The following SPAG16 variants were observed in gnomAD, a reference collection of about 807,000 sequenced individuals.
SPAG16 encodes the protein sperm-associated antigen 16 protein.
SPAG16 carries 86 observed loss-of-function variants against 80.4 expected under a neutral mutation model. The observed-to-expected ratio is 1.07, with a 90% CI of 0.90 to 1.28. The LOEUF is 1.28. Ranked by LOEUF, SPAG16 falls within the 50% of genes most tolerant of loss-of-function variation. The pLI, the probability that SPAG16 is intolerant of heterozygous loss-of-function variation, is 0.00. For missense variants in SPAG16, 870 were observed against 765.3 expected (o/e 1.14, Z -1.61); for synonymous variants, 294 against 265.9 (o/e 1.11, Z -1.03).
intron 13 of SPAG16, among the ~76,000 whole-genome samples, chr2:214,016,698 A>G (rs2047609215): frequency 6.6e-6 from 1 of 152,136 alleles, no homozygotes; most frequent in Admixed American, 6.6e-5. Flanking sequence ...AAGATAACAG[A>G]GTTTATTGTG....
chr2:213,401,274 A>G lies in SPAG16; in HGVS notation c.942+26155A>G, dbSNP rs112751351. 1.0e-3 allele frequency among the ~76,000 whole-genome samples: 153 copies of G among 152,382 alleles called. 1 individual carries two copies. The highest frequency in any genetic ancestry group is 3.6e-3 in the African/African-American group (148 of 41,596). On this transcript the variant is annotated intron_variant, in intron 9 of 15. Transcript: ENST00000331683. ...GAATGCGGCCATTTCCCTTGATAAT[A>G]TATGTTCTTCAGAAACATTAGATAA...
At chr2:213,833,303 T>G (rs2073778778) in intron 10 of SPAG16, among the ~76,000 whole-genome samples, 1 of 146,016 alleles carries the variant, frequency 6.8e-6, no homozygotes, top group South Asian at 2.2e-4. Flanking sequence ...TCCACCAGAC[T>G]GTTTCCTAAC....
intron 12 of SPAG16, among the ~76,000 whole-genome samples, chr2:213,967,017 G>T (rs2044742645): frequency 1.3e-5 from 2 of 152,148 alleles, no homozygotes; most frequent in African/African-American, 4.8e-5. Flanking sequence ...CACCTTTTAA[G>T]CCCAGAGGTT....
At chr2:213,825,907 G>A (rs534418701) in intron 10 of SPAG16, among the ~76,000 whole-genome samples, 1 of 151,540 alleles carries the variant, frequency 6.6e-6, no homozygotes, top group Non-Finnish European at 1.5e-5. Flanking sequence ...TGCTGGGAGA[G>A]TTTTTATTAT....
At chr2:213,591,230 C>A (rs1300924097) in intron 10 of SPAG16, among the ~76,000 whole-genome samples, 1 of 152,066 alleles carries the variant, frequency 6.6e-6, no homozygotes, top group African/African-American at 2.4e-5. Flanking sequence ...TAAAGTAATT[C>A]AATTTCCTGT....
At chr2:213,427,225 C>G (rs1399391518) in intron 9 of SPAG16, among the ~76,000 whole-genome samples, 6 of 152,094 alleles carry the variant, frequency 3.9e-5, no homozygotes, top group South Asian at 2.1e-4. Flanking sequence ...TTATATCACA[C>G]TCAAGTTGCT....
intron 9 of SPAG16, among the ~76,000 whole-genome samples, chr2:213,393,699 A>T (rs1262274097): frequency 6.6e-6 from 1 of 151,922 alleles, no homozygotes; most frequent in Admixed American, 6.6e-5. Context: ...TTTTTTTTCA[A>T]ACCAGTTGAA....
rs2079459548 is a variant in SPAG16 at position 213,946,253 on chromosome 2, T to C, written c.1400+16108T>C. On this transcript the variant is annotated intron_variant, in intron 12 of 15. Transcript: ENST00000331683. ...CATCAGCCTCCTGAGCAGCTGGAAC[T>C]ACTGGTGCATGCCACCACACCCATC... Among the ~76,000 whole-genome samples the C allele has an allele frequency of 2.6e-5, 4 of 152,280 alleles. No individual in the cohort carries two copies. The South Asian group carries it at 8.3e-4, about 32-fold the overall frequency.
chr2:213,305,925 T>A (rs1426935594), intron 3 of SPAG16, among the ~76,000 whole-genome samples: 2 of 152,164 alleles, frequency 1.3e-5, no homozygotes, highest in Non-Finnish European at 2.9e-5. Flanking sequence ...TTGGAATTAG[T>A]TCCTTTTTAA....
At chr2:213,476,475 A>G (rs1323203191) in intron 9 of SPAG16, among the ~76,000 whole-genome samples, 1 of 152,184 alleles carries the variant, frequency 6.6e-6, no homozygotes, top group Non-Finnish European at 1.5e-5. Flanking sequence ...TGTTCTCTGA[A>G]TCTTATAGAC....
intron 13 of SPAG16, among the ~76,000 whole-genome samples, chr2:214,065,899 CTT>C (rs2125203134): frequency 6.6e-6 from 1 of 152,258 alleles, no homozygotes; most frequent in African/African-American, 2.4e-5. Flanking sequence ...TCTCTCCAAA[CTT>C]TGTCAACCAC....
chr2:214,068,682 G>A (rs550480416), intron 13 of SPAG16, among the ~76,000 whole-genome samples: 83 of 152,146 alleles, frequency 5.5e-4, no homozygotes, highest in Middle Eastern at 3.4e-3. Context: ...GCATTGACTA[G>A]GTGGTTGATG....
At chr2:213,613,085 T>C (rs1272483447) in intron 10 of SPAG16, among the ~76,000 whole-genome samples, 1 of 152,220 alleles carries the variant, frequency 6.6e-6, no homozygotes, top group African/African-American at 2.4e-5. Flanking sequence ...ATGCAGTATC[T>C]GACCACTTCT....
At chr2:214,019,129 A>T (rs56274520) in intron 13 of SPAG16, among the ~76,000 whole-genome samples, 1 of 152,136 alleles carries the variant, frequency 6.6e-6, no homozygotes, top group South Asian at 2.1e-4. Flanking sequence ...AGAAAGTGAT[A>T]TATCACATAG....
Position 214,078,179 on chromosome 2 carries a change from G to T in SPAG16, c.1528-30017G>T, listed in dbSNP as rs556019071. On this transcript the variant is annotated intron_variant, in intron 13 of 15. Coordinates refer to ENST00000331683, the MANE Select transcript of SPAG16 (RefSeq NM_024532.5). ...TGTCTTAGAAGGCACAGGGGAGCTT[G>T]TTTCCAGAAAAGAAGGAAGCATTGC... is the stretch of plus-strand genomic sequence containing the variant. Among the ~76,000 whole-genome samples the T allele has an allele frequency of 2.6e-5, 4 of 152,204 alleles. No homozygotes were observed. The East Asian group carries it at 5.8e-4, about 22-fold the overall frequency.
intron 5 of SPAG16, chr2:213,317,899 G>A: frequency 5.5e-6 from 1 of 180,384 alleles, no homozygotes; most frequent in Non-Finnish European, 1.1e-5. Context: ...GAGGTGTATG[G>A]GACATCTCTG....
intron 10 of SPAG16, among the ~76,000 whole-genome samples, chr2:213,704,069 T>G (rs964880123): frequency 6.6e-6 from 1 of 152,208 alleles, no homozygotes; most frequent in Non-Finnish European, 1.5e-5. Context: ...CTGGCTGTTC[T>G]CAGTACCTGT....
chr2:213,631,586 T>C (rs1312820599), intron 10 of SPAG16, among the ~76,000 whole-genome samples: 1 of 152,182 alleles, frequency 6.6e-6, no homozygotes, highest in East Asian at 1.9e-4. Context: ...ATCTAGTTTT[T>C]TGAAAGTTTG....
intron 13 of SPAG16, among the ~76,000 whole-genome samples, chr2:214,040,736 C>A (rs1397356): frequency 0.77 from 116,545 of 151,936 alleles, 44,926 homozygotes; most frequent in Non-Finnish European, 0.8. Flanking sequence ...GTTTTTATTT[C>A]TTTATTTATT....
Sources: allele counts gnomAD v4.1 joint callset (sites outside exome capture counted in the v4.1 genomes callset), GRCh38; gene constraint gnomAD v4.1.1; transcripts MANE v1.5; gene names NCBI Gene and HGNC (gene_info 2026-07-23, HGNC 2026-07-21).